MED12L: variants seen among roughly 807,000 people sequenced by gnomAD.
MED12L encodes mediator complex subunit 12L, also known as mediator of RNA polymerase II transcription subunit 12-like protein.
In MED12L, 60 loss-of-function variants were observed where a neutral mutation model predicts 281.3. That is an observed-to-expected ratio of 0.21 (90% confidence interval 0.17 to 0.26). The LOEUF is 0.26. Ranked by LOEUF, MED12L falls within the 10% of genes least tolerant of loss-of-function variation. MED12L has a pLI of 1.00. For missense variants in MED12L, 2,146 were observed against 2,680.9 expected (o/e 0.80, Z 4.41); for synonymous variants, 974 against 987.2 (o/e 0.99, Z 0.25).
At chr3:151,363,973 C>A (rs534894058) in intron 21 of MED12L, among the ~76,000 whole-genome samples, 4 of 152,104 alleles carry the variant, frequency 2.6e-5, no homozygotes, top group African/African-American at 9.6e-5. Flanking sequence ...TTCCTGGCTG[C>A]CATTGATGCA....
At position 151,127,868 on chromosome 3, in the gene MED12L, C is replaced by G; in HGVS notation, c.440C>G (p.Ala147Gly). 1 of 1,612,794 alleles carries G rather than the reference C, an allele frequency of 6.2e-7. No homozygotes were observed. Among genetic ancestry groups the G allele is most frequent in the Non-Finnish European group, 8.5e-7 (1 of 1,178,954 alleles). The change falls in exon 5 of 45, where the codon GCT becomes GGT. Residue 147 changes from alanine to glycine, a missense_variant. Ala to Gly is a moderately conservative substitution (Grantham distance 60). This residue lies in a region of MED12L where 722 missense variants were observed against 861.2 expected (regional missense o/e 0.84). Transcript: ENST00000687756. ...SKKEDVFAYL[A>G]KYSVPMVRAT... ...AAAGAGGATGTTTTTGCATATTTAGCTAAATATTCTGTGCCAATGGTTCGA... is the reference window on the plus strand; with the variant it reads ...AAAGAGGATGTTTTTGCATATTTAGGTAAATATTCTGTGCCAATGGTTCGA...
At chr3:151,165,660 A>C in intron 10 of MED12L, 141 bp downstream of exon 10, 1 of 924,748 alleles carries the variant, frequency 1.1e-6, no homozygotes, top group East Asian at 2.5e-5. Context: ...TCTTCAGTTT[A>C]TGCCTTTTAG....
intron 39 of MED12L, among the ~76,000 whole-genome samples, chr3:151,395,916 C>A (rs971572407): frequency 1.3e-5 from 2 of 152,128 alleles, no homozygotes; most frequent in Admixed American, 6.5e-5. Context: ...GCATTTGGGC[C>A]ACTTAGTGAT....
At chr3:151,368,605 A>AT (rs1227342658) in intron 25 of MED12L, among the ~76,000 whole-genome samples, 1 of 67,352 alleles carries the variant, frequency 1.5e-5, no homozygotes, top group African/African-American at 6.1e-5. Context: ...ATTTTATTTT[A>AT]TTTTATTTTA....
intron 16 of MED12L, among the ~76,000 whole-genome samples, chr3:151,268,252 C>T (rs181237120): frequency 7.6e-6 from 1 of 131,378 alleles, no homozygotes; most frequent in Admixed American, 8.1e-5. Flanking sequence ...ACATTTATTA[C>T]TTATATATAT....
intron 16 of MED12L, among the ~76,000 whole-genome samples, chr3:151,315,809 A>C (rs6767266): frequency 0.83 from 126,064 of 152,180 alleles, 52,532 homozygotes; most frequent in African/African-American, 0.93. Flanking sequence ...ATATACCTAA[A>C]ATAAAAGCAG....
At chr3:151,226,426 T>G (rs931066793) in intron 16 of MED12L, among the ~76,000 whole-genome samples, 2 of 152,142 alleles carry the variant, frequency 1.3e-5, no homozygotes, top group South Asian at 2.1e-4. Context: ...TTAAAATGGT[T>G]AAGTGATTCA....
chr3:151,353,108 T>C (rs1168174102), intron 17 of MED12L, among the ~76,000 whole-genome samples: 2 of 152,172 alleles, frequency 1.3e-5, no homozygotes, highest in Non-Finnish European at 2.9e-5. Flanking sequence ...CATAGATAAA[T>C]GGAGTCCATT....
intron 16 of MED12L, among the ~76,000 whole-genome samples, chr3:151,260,022 G>T (rs1031788936): frequency 4.6e-5 from 7 of 152,040 alleles, no homozygotes; most frequent in Non-Finnish European, 1.0e-4. Flanking sequence ...GGGGAGCTCG[G>T]GTTATTTTGT....
intron 16 of MED12L, among the ~76,000 whole-genome samples, chr3:151,302,219 T>TG (rs1266485791): frequency 6.6e-6 from 1 of 152,170 alleles, no homozygotes; most frequent in South Asian, 2.1e-4. Context: ...CTGCTGGGGT[T>TG]GGGGGCAGGA....
intron 5 of MED12L, among the ~76,000 whole-genome samples, chr3:151,153,125 A>G (rs553888980): frequency 9.8e-5 from 15 of 152,356 alleles, no homozygotes; most frequent in Non-Finnish European, 1.8e-4. Flanking sequence ...TGTTTTAGCT[A>G]TGCATCGGTG....
At chr3:151,432,633 C>T (rs1719663588) in intron 44 of MED12L, 119 bp from the exon 45 acceptor site, 3 of 730,744 alleles carry the variant, frequency 4.1e-6, no homozygotes, top group Admixed American at 2.2e-5. Context: ...ATAGTACTCT[C>T]CGGCCATTCT....
At chr3:151,411,608 C>A in intron 41 of MED12L, 101 bp downstream of exon 41, 2 of 1,063,958 alleles carry the variant, frequency 1.9e-6, no homozygotes, top group South Asian at 1.5e-5. Context: ...TTTTTATGAG[C>A]TTGCATATTT....
intron 16 of MED12L, chr3:151,329,081 A>G: frequency 3.6e-6 from 4 of 1,107,300 alleles, no homozygotes; most frequent in Non-Finnish European, 5.2e-6. Flanking sequence ...CTATTTTTTA[A>G]AAACAGACTT....
At chr3:151,315,602 G>A (rs1025194765) in intron 16 of MED12L, among the ~76,000 whole-genome samples, 10 of 152,124 alleles carry the variant, frequency 6.6e-5, no homozygotes, top group Admixed American at 1.3e-4. Flanking sequence ...TGTTGCTGAA[G>A]GATTAAGAGA....
Position 151,430,311 on chromosome 3 carries a change from G to A in MED12L, c.6421G>A (p.Gly2141Ser), listed in dbSNP as rs201248295. The A allele has an allele frequency of 3.5e-5, 56 of 1,614,000 alleles. No individual in the cohort carries two copies. The highest frequency in any genetic ancestry group is 4.2e-5 in the Non-Finnish European group (50 of 1,179,994). ...GTCGCCATTACAGTTTCCCAGGCAA[G>A]GCTTGCAGCAGACCCAGCAGCAGCA... ...QPQQPLFPRQ[G>S]LQQTQQQQQT... Residue 2141 changes from glycine to serine, a missense_variant, in exon 44 of 45, where the codon GGC (glycine) becomes AGC (serine). Physicochemically the swap from Gly to Ser is moderately conservative, Grantham distance 56. Transcript: ENST00000687756.
Position 151,411,462 on chromosome 3 carries a change from A to G in MED12L, c.6095A>G (p.Gln2032Arg). 1 of 1,614,240 alleles carries G rather than the reference A, an allele frequency of 6.2e-7. No individual in the cohort carries two copies. The highest frequency in any genetic ancestry group is 8.5e-7 in the Non-Finnish European group (1 of 1,180,032). ...CAGCAGCAGCCGAGTGGCTATGTTC[A>G]GCAGCAGGCCTCGCCGTACCTGCAG... ...QIQQQPSGYV[Q>R]QQASPYLQPL... is the part of the protein sequence containing the mutation. The change falls in exon 41 of 45, where the codon CAG (glutamine) becomes CGG (arginine). Residue 2032 changes from glutamine to arginine, a missense_variant. Transcript: ENST00000687756.
chr3:151,339,264 T>C (rs1234822925), intron 16 of MED12L, among the ~76,000 whole-genome samples: 3 of 151,906 alleles, frequency 2.0e-5, no homozygotes, highest in Non-Finnish European at 4.4e-5. Flanking sequence ...CAGTCACTTT[T>C]CCCCCCAACG....
intron 16 of MED12L, among the ~76,000 whole-genome samples, chr3:151,347,985 G>A (rs563782408): frequency 5.9e-5 from 9 of 152,158 alleles, no homozygotes; most frequent in Non-Finnish European, 1.3e-4. Flanking sequence ...TGAGGAGCAC[G>A]TGGCTCTTTC....
Sources: gnomAD v4.1 joint callset for allele counts (sites outside exome capture counted in the v4.1 genomes callset) on GRCh38, gnomAD v4.1.1 for gene constraint, gnomAD v4.1.1 regional missense constraint, MANE v1.5 for transcripts, NCBI Gene and HGNC (gene_info 2026-07-23, HGNC 2026-07-21) for gene names.